Variants in PTPRD observed in about 807,000 individuals in gnomAD.
PTPRD encodes the protein protein tyrosine phosphatase receptor type D, also known as receptor-type tyrosine-protein phosphatase delta.
In PTPRD, 34 loss-of-function variants were observed where a neutral mutation model predicts 214.5. The ratio of observed to expected loss-of-function variants is 0.16; its 90% CI spans 0.12 to 0.21. The LOEUF (loss-of-function observed/expected upper bound fraction) is 0.21, where lower values mean the gene tolerates loss of function less well. Ranked by LOEUF, PTPRD falls within the 10% of genes least tolerant of loss-of-function variation. The pLI is 1.00. For missense variants in PTPRD, 2,545 were observed against 2,398.7 expected (o/e 1.06, Z -1.27); for synonymous variants, 1,128 against 845.7 (o/e 1.33, Z -5.79).
intron 3 of PTPRD, among the ~76,000 whole-genome samples, chr9:10,060,848 C>A (rs543645065): frequency 1.4e-4 from 16 of 111,278 alleles, no homozygotes; most frequent in Admixed American, 1.3e-3. Flanking sequence ...TCCTTCCTTT[C>A]CTTTCTTTCT....
chr9:8,973,423 C>T (rs1429112486), intron 11 of PTPRD, among the ~76,000 whole-genome samples: 1 of 151,968 alleles, frequency 6.6e-6, no homozygotes, highest in African/African-American at 2.4e-5. Context: ...GCGTAGTATT[C>T]CACAGTACAT....
Position 9,754,506 on chromosome 9 carries a change from C to T in PTPRD, c.-326+12304G>A, listed in dbSNP as rs555106108. Among the ~76,000 whole-genome samples the T allele has an allele frequency of 6.2e-4, 95 of 152,098 alleles. 1 individual carries two copies. The highest frequency in any genetic ancestry group is 1.2e-3 in the Admixed American group (18 of 15,246). On this transcript the variant is annotated intron_variant, in intron 6 of 45. Coordinates refer to ENST00000381196, the MANE Select transcript of PTPRD (RefSeq NM_002839.4). Reference sequence around the variant, plus strand: ...GGTGATAAATAATAGCAGTTCTTGACGGCTTCACAAGAATATTTGGCAAAA... The same window carrying T: ...GGTGATAAATAATAGCAGTTCTTGATGGCTTCACAAGAATATTTGGCAAAA...
At position 10,500,674 on chromosome 9, in the gene PTPRD, A is replaced by G. The variant is rs557269218; in HGVS notation, c.-600+111724T>C. Among the ~76,000 whole-genome samples the G allele has an allele frequency of 4.8e-3, 723 of 151,912 alleles. 5 individuals are homozygous for G. Among genetic ancestry groups the G allele is most frequent in the Non-Finnish European group, 8.3e-3 (560 of 67,782 alleles). ...TTTCTAGTTTTTGTACCCATTAGCC[A>G]TTCCAACTTCCCCCCAACCCCTCCC... On this transcript the variant is annotated intron_variant, in intron 2 of 45. Transcript: ENST00000381196.
At chr9:9,339,828 C>G (rs879524272) in intron 9 of PTPRD, among the ~76,000 whole-genome samples, 1 of 152,094 alleles carries the variant, frequency 6.6e-6, no homozygotes, top group African/African-American at 2.4e-5. Context: ...ATCATGGAAG[C>G]TTTTAGTAGC....
At chr9:8,582,963 A>G (rs1339382640) in intron 14 of PTPRD, among the ~76,000 whole-genome samples, 2 of 152,206 alleles carry the variant, frequency 1.3e-5, no homozygotes, top group Non-Finnish European at 2.9e-5. Context: ...GAAATTGGAA[A>G]TAATTAAAAA....
chr9:8,988,671 T>C (rs1249971080), intron 11 of PTPRD, among the ~76,000 whole-genome samples: 2 of 150,702 alleles, frequency 1.3e-5, no homozygotes. Context: ...TTCATTAACA[T>C]TACGATTTTT....
At chr9:9,105,441 T>C (rs2099797160) in intron 10 of PTPRD, among the ~76,000 whole-genome samples, 1 of 152,218 alleles carries the variant, frequency 6.6e-6, no homozygotes, top group African/African-American at 2.4e-5. Flanking sequence ...ATTGAGAAAA[T>C]GCAGTTGGAA....
chr9:9,102,804 A>G (rs1284928716), intron 10 of PTPRD, among the ~76,000 whole-genome samples: 1 of 152,226 alleles, frequency 6.6e-6, no homozygotes, highest in Non-Finnish European at 1.5e-5. Context: ...TCAATTTTGA[A>G]ACATGACACT....
chr9:10,177,522 C>T (rs949699096), intron 3 of PTPRD, among the ~76,000 whole-genome samples: 3 of 149,034 alleles, frequency 2.0e-5, no homozygotes, highest in Non-Finnish European at 4.5e-5. Flanking sequence ...GTATAGAAAA[C>T]AAATGGAAAG....
At chr9:8,925,858 ATTTTT>A (rs33971552) in intron 11 of PTPRD, among the ~76,000 whole-genome samples, 18 of 120,172 alleles carry the variant, frequency 1.5e-4, no homozygotes, top group Admixed American at 5.5e-4. Flanking sequence ...CTATTGCAAT[ATTTTT>A]TTTTTTTTTT....
At chr9:8,726,569 TA>T (rs764810328) in intron 12 of PTPRD, among the ~76,000 whole-genome samples, 91 of 1,982 alleles carry the variant, frequency 0.046, 1 homozygote, top group African/African-American at 0.15. Context: ...CGGTCTCTAC[TA>T]AAAAAAAAAA....
At chr9:10,003,977 G>GA (rs960823778) in intron 4 of PTPRD, among the ~76,000 whole-genome samples, 27 of 151,484 alleles carry the variant, frequency 1.8e-4, no homozygotes, top group African/African-American at 6.5e-4. Context: ...CAAATAAGAG[G>GA]AAAAAAAGAT....
chr9:8,379,429 T>C (rs2084276488), intron 37 of PTPRD, among the ~76,000 whole-genome samples: 1 of 152,166 alleles, frequency 6.6e-6, no homozygotes, highest in African/African-American at 2.4e-5. Flanking sequence ...TTAGAGTTAC[T>C]GACAAATATT....
At chr9:10,382,801 C>G (rs2097848629) in intron 2 of PTPRD, among the ~76,000 whole-genome samples, 1 of 151,754 alleles carries the variant, frequency 6.6e-6, no homozygotes, top group Non-Finnish European at 1.5e-5. Flanking sequence ...GGAAGATGGT[C>G]CCTGCACAAA....
At chr9:9,340,589 T>A (rs1452169347) in intron 9 of PTPRD, among the ~76,000 whole-genome samples, 3 of 152,182 alleles carry the variant, frequency 2.0e-5, no homozygotes, top group African/African-American at 4.8e-5. Context: ...GGTGGGTGCG[T>A]GATCACACTG....
chr9:8,802,582 TC>T (rs2096593702), intron 11 of PTPRD, among the ~76,000 whole-genome samples: 1 of 152,214 alleles, frequency 6.6e-6, no homozygotes, highest in African/African-American at 2.4e-5. Context: ...TGCAGGAAGT[TC>T]CCAAAAGTGG....
chr9:9,908,930 T>C (rs181133953), intron 5 of PTPRD, among the ~76,000 whole-genome samples: 13 of 152,102 alleles, frequency 8.5e-5, no homozygotes, highest in Admixed American at 2.6e-4. Context: ...AGAGAGAAGA[T>C]ATAGGCTATA....
chr9:8,485,075 C>G, intron 29 of PTPRD, 152 bp downstream of exon 29: 1 of 638,788 alleles, frequency 1.6e-6, no homozygotes, highest in Non-Finnish European at 2.7e-6. Context: ...TTACAAAGCA[C>G]CAAACTGTCT....
intron 35 of PTPRD, among the ~76,000 whole-genome samples, chr9:8,433,980 TTTGTTTGC>T (rs113381206): frequency 0.092 from 14,014 of 151,530 alleles, 1,311 homozygotes; most frequent in African/African-American, 0.24. Flanking sequence ...GCACCATTTG[TTTGTTTGC>T]TTGTTTGTTT....
Sources: allele counts gnomAD v4.1 joint callset (sites outside exome capture counted in the v4.1 genomes callset), GRCh38; gene constraint gnomAD v4.1.1; transcripts MANE v1.5; gene names NCBI Gene and HGNC (gene_info 2026-07-23, HGNC 2026-07-21).